The following ZNF688 variants were observed in gnomAD, a reference collection of about 807,000 sequenced individuals.
The protein encoded by ZNF688 is zinc finger protein 688.
ZNF688 carries 10 observed loss-of-function variants against 13.2 expected under a neutral mutation model. The observed-to-expected ratio is 0.76, with a 90% confidence interval of 0.47 to 1.28. The LOEUF is 1.28. Ranked by LOEUF, ZNF688 falls within the 50% of genes most tolerant of loss-of-function variation. The pLI, the probability that ZNF688 is intolerant of heterozygous loss-of-function variation, is 0.00. For synonymous variants in ZNF688, 160 were observed against 159.4 expected (o/e 1.00, Z -0.03); for missense variants, 381 against 391.4 (o/e 0.97, Z 0.22).
chr16:30,572,928 A>G (rs7193647), upstream of ZNF688, among the ~76,000 whole-genome samples: 588 of 151,756 alleles, frequency 3.9e-3, 2 homozygotes, highest in African/African-American at 0.013. Context: ...CTGGAGTGCA[A>G]TGGCGCTATC....
chr16:30,573,368 T>G (rs1180594700), upstream of ZNF688, among the ~76,000 whole-genome samples: 1 of 152,206 alleles, frequency 6.6e-6, no homozygotes, highest in Non-Finnish European at 1.5e-5. Flanking sequence ...CTCCCCTTCC[T>G]GCTGTCCTGG....
upstream of ZNF688, among the ~76,000 whole-genome samples, chr16:30,577,148 G>C (rs931641499): frequency 6.6e-6 from 1 of 152,114 alleles, no homozygotes; most frequent in African/African-American, 2.4e-5. Context: ...CTGCAGCCTG[G>C]AACTCTTGGG....
At chr16:30,570,567 T>C in intron 2 of ZNF688, 131 bp from the exon 3 acceptor site, 1 of 1,173,988 alleles carries the variant, frequency 8.5e-7, no homozygotes, top group South Asian at 1.6e-5. Context: ...TAGAACAAGG[T>C]AAACAGGATT....
Position 30,570,415 on chromosome 16 carries a change from T to A in ZNF688, c.332A>T (p.Glu111Val), listed in dbSNP as rs1214262250. The A allele has an allele frequency of 6.2e-7, 1 of 1,612,370 alleles. No individual in the cohort carries two copies. The highest frequency in any genetic ancestry group is 1.1e-5 in the South Asian group (1 of 91,072). The change falls in exon 3 of 3, where the codon GAA becomes GTA. Residue 111 changes from glutamate (E) to valine (V), a missense_variant. By Grantham distance (121) the Glu-to-Val change is moderately radical. Transcript: ENST00000223459. ...ARRGDVPNRKEEEPEEVPRAK... is the reference protein window; with the variant it reads ...ARRGDVPNRKVEEPEEVPRAK... The stretch of plus-strand genomic sequence containing the variant: ...TCTTGGGACTTCCTCCGGTTCCTCT[T>A]CCTTCCTGTTTGGGACATCTCCTGG...
chr16:30,576,136 C>A (rs927326854), upstream of ZNF688, among the ~76,000 whole-genome samples: 1 of 152,016 alleles, frequency 6.6e-6, no homozygotes, highest in Non-Finnish European at 1.5e-5. Context: ...CAACCTCCCC[C>A]TCCTGGGTTC....
At position 30,569,873 on chromosome 16, in the gene ZNF688, C is replaced by A. The variant is rs764247269; in HGVS notation, c.*43G>T. The A allele has an allele frequency of 1.3e-6, 2 of 1,503,714 alleles. No homozygotes were observed. The highest frequency in any genetic ancestry group is 4.7e-5 in the East Asian group (2 of 42,940). The allele number at this position is 1,503,714 out of a possible 1,614,324, so 93.1% of individuals were successfully genotyped here. A position where few individuals can be genotyped will look rare whatever the true frequency, so the allele number is the denominator to read the frequency against. On this transcript the variant is annotated 3_prime_UTR_variant, in exon 3 of 3. Transcript: ENST00000223459. ...TGGCCCACCTCAGGGATCCGTCAGT[C>A]CTTCGTGCCAAGGTCAGGCTCAACT...
At chr16:30,572,052 G>T (rs1239247768), upstream of ZNF688, 1 of 1,430,924 alleles carries the variant, frequency 7.0e-7, no homozygotes, top group Non-Finnish European at 9.2e-7. Flanking sequence ...GGGGGAGGCG[G>T]GGTGTCTGGG....
At chr16:30,575,848 G>T (rs994531636), upstream of ZNF688, among the ~76,000 whole-genome samples, 1 of 151,340 alleles carries the variant, frequency 6.6e-6, no homozygotes, top group African/African-American at 2.4e-5. Context: ...TAGAGATGAG[G>T]TTTCTCCATG....
chr16:30,571,080 C>G lies in ZNF688; in HGVS notation c.240G>C (p.Gln80His), dbSNP rs755267053. The change falls in exon 2 of 3, where the codon CAG becomes CAC. Residue 80 changes from glutamine to histidine, a missense_variant. Coordinates refer to ENST00000223459, the MANE Select transcript of ZNF688 (RefSeq NM_145271.4). ...PKPALISWME[Q>H]ESEAWSPAAQ... ...CGGCGGGGCTCCAAGCCTCACTCTC[C>G]TGTTCCATCCAAGAGATGAGGGCTG... 8.1e-6 allele frequency: 13 copies of G among 1,603,562 alleles called. No homozygotes were observed. Among genetic ancestry groups the G allele is most frequent in the Non-Finnish European group, 1.1e-5 (13 of 1,176,048 alleles).
chr16:30,571,650 G>C lies in ZNF688; in HGVS notation c.-21C>G. 1 of 1,381,164 alleles carries C rather than the reference G, an allele frequency of 7.2e-7. No homozygotes were observed. Among genetic ancestry groups the C allele is most frequent in the Non-Finnish European group, 9.3e-7 (1 of 1,070,834 alleles). 85.6% of individuals were successfully genotyped at this position (1,381,164 alleles called of 1,614,324 possible). A position where few individuals can be genotyped will look rare whatever the true frequency, so the allele number is the denominator to read the frequency against. ...GCCATGGGGCCTCGCAGCCCCGATCGGCGGCCGCCAGGTCCCTGGAGCCGC... is the reference window on the plus strand; with the variant it reads ...GCCATGGGGCCTCGCAGCCCCGATCCGCGGCCGCCAGGTCCCTGGAGCCGC... On this transcript the variant is annotated 5_prime_UTR_variant, in exon 1 of 3. Transcript: ENST00000223459.
upstream of ZNF688, among the ~76,000 whole-genome samples, chr16:30,575,938 G>C (rs1054367855): frequency 3.3e-5 from 5 of 152,228 alleles, no homozygotes; most frequent in African/African-American, 9.6e-5. Flanking sequence ...TTACAGGCGT[G>C]AGCCACTGCG....
At chr16:30,571,997 TC>T, upstream of ZNF688, 1 of 1,385,650 alleles carries the variant, frequency 7.2e-7, no homozygotes, top group Non-Finnish European at 9.4e-7. Context: ...GGCCTCATCG[TC>T]CCACTTGCCC....
upstream of ZNF688, chr16:30,573,768 T>G (rs1201251271): frequency 4.5e-6 from 1 of 224,290 alleles, no homozygotes; most frequent in Non-Finnish European, 9.1e-6. Context: ...TGACTCCTGC[T>G]GATCTCATAT....
upstream of ZNF688, among the ~76,000 whole-genome samples, chr16:30,575,379 T>G (rs1388060182): frequency 6.6e-6 from 1 of 152,008 alleles, no homozygotes; most frequent in African/African-American, 2.4e-5. Flanking sequence ...CACAAGTAGC[T>G]GGGATTACAG....
chr16:30,570,883 T>C (rs766153106), intron 2 of ZNF688, 127 bp downstream of exon 2: 20 of 1,061,434 alleles, frequency 1.9e-5, no homozygotes, highest in Middle Eastern at 4.0e-4. Flanking sequence ...GTCTGCCTTC[T>C]TTACTCCTCT....
chr16:30,570,042 G>A lies in ZNF688; in HGVS notation c.705C>T (p.Ser235=), dbSNP rs779877218. 6.2e-7 allele frequency: 1 copy of A among 1,611,006 alleles called. No homozygotes were observed. The highest frequency in any genetic ancestry group is 8.5e-7 in the Non-Finnish European group (1 of 1,179,310). ...TCCGGCCCCGCCGCCCCCCGGAGCA[G>A]GAGCGGTGGATCCACTGGTGCGCTT... is the stretch of plus-strand genomic sequence containing the variant. ...AVEAHQWIHR[S]CSGGRRGRRP... The change falls in exon 3 of 3, where the codon TCC becomes TCT. Residue 235 remains serine (S), a synonymous_variant. Coordinates refer to ENST00000223459, the MANE Select transcript of ZNF688 (RefSeq NM_145271.4).
upstream of ZNF688, among the ~76,000 whole-genome samples, chr16:30,576,731 GTTTTA>G (rs1010374308): frequency 2.6e-5 from 4 of 152,108 alleles, no homozygotes; most frequent in African/African-American, 9.7e-5. Context: ...CCATCTGCAT[GTTTTA>G]TTTTGATTCT....
chr16:30,574,489 T>C (rs970392540), upstream of ZNF688, among the ~76,000 whole-genome samples: 3 of 150,674 alleles, frequency 2.0e-5, no homozygotes, highest in Non-Finnish European at 4.4e-5. Context: ...GAGGTTGCAG[T>C]GAGCCAAGAT....
chr16:30,577,968 C>A, the ZNF688 span, among the ~76,000 whole-genome samples: 1 of 152,104 alleles, frequency 6.6e-6, no homozygotes, highest in Non-Finnish European at 1.5e-5. Flanking sequence ...TAGCGCCAGG[C>A]CTGAAACAAA....
Sources: allele counts gnomAD v4.1 joint callset (sites outside exome capture counted in the v4.1 genomes callset), GRCh38; gene constraint gnomAD v4.1.1; transcripts MANE v1.5; gene names NCBI Gene and HGNC (gene_info 2026-07-23, HGNC 2026-07-21).